Variants in ANGPT1 observed in about 807,000 individuals in gnomAD.
ANGPT1 encodes angiopoietin 1.
Under a neutral mutation model 62.2 loss-of-function variants are expected in ANGPT1, and 17 were observed. The observed-to-expected ratio is 0.27, with a 90% CI of 0.19 to 0.41. The LOEUF (loss-of-function observed/expected upper bound fraction) is 0.41. Ranked by LOEUF, ANGPT1 falls within the 10% of genes least tolerant of loss-of-function variation. The pLI is 1.00. For synonymous variants in ANGPT1, 199 were observed against 198.9 expected (o/e 1.00, Z 0.00); for missense variants, 478 against 594.9 (o/e 0.80, Z 2.04).
At chr8:107,298,149 C>T (rs1188189938) in intron 5 of ANGPT1, among the ~76,000 whole-genome samples, 2 of 151,834 alleles carry the variant, frequency 1.3e-5, no homozygotes, top group African/African-American at 4.8e-5. Flanking sequence ...TAACATAATA[C>T]GGAGGCTTAA....
intron 1 of ANGPT1, among the ~76,000 whole-genome samples, chr8:107,445,755 T>C (rs1044971579): frequency 1.3e-5 from 2 of 152,078 alleles, no homozygotes; most frequent in Non-Finnish European, 2.9e-5. Context: ...AATCACACAA[T>C]GGGATGTATG....
chr8:107,324,893 AG>A (rs994848717), intron 3 of ANGPT1, among the ~76,000 whole-genome samples: 9 of 152,188 alleles, frequency 5.9e-5, no homozygotes, highest in African/African-American at 1.9e-4. Context: ...GAGAGAAAGG[AG>A]CCCTGCCCTG....
chr8:107,417,123 G>C (rs1419880654), intron 1 of ANGPT1, among the ~76,000 whole-genome samples: 2 of 152,098 alleles, frequency 1.3e-5, no homozygotes, highest in African/African-American at 2.4e-5. Context: ...AGACAGAGAA[G>C]ATTAGAGTAT....
intron 7 of ANGPT1, among the ~76,000 whole-genome samples, chr8:107,270,459 G>C (rs1224461597): frequency 6.6e-6 from 1 of 152,004 alleles, no homozygotes; most frequent in Non-Finnish European, 1.5e-5. Context: ...CTCTTTCAGA[G>C]GCTGGTAGCA....
intron 1 of ANGPT1, among the ~76,000 whole-genome samples, chr8:107,375,782 A>G (rs1816519232): frequency 6.6e-6 from 1 of 152,196 alleles, no homozygotes; most frequent in African/African-American, 2.4e-5. Flanking sequence ...CCACATGGAA[A>G]TAGGAAGCAT....
chr8:107,374,464 A>T (rs1816485497), intron 1 of ANGPT1, among the ~76,000 whole-genome samples: 1 of 152,240 alleles, frequency 6.6e-6, no homozygotes, highest in Non-Finnish European at 1.5e-5. Context: ...AGAGTCTTGC[A>T]GATTCTGTCC....
At chr8:107,433,387 A>G (rs1482728044) in intron 1 of ANGPT1, among the ~76,000 whole-genome samples, 1 of 152,208 alleles carries the variant, frequency 6.6e-6, no homozygotes, top group Non-Finnish European at 1.5e-5. Context: ...TGCCTTATGA[A>G]ATAGTTCTGT....
intron 8 of ANGPT1, among the ~76,000 whole-genome samples, chr8:107,259,603 T>A (rs1477973590): frequency 3.9e-5 from 6 of 152,158 alleles, no homozygotes; most frequent in South Asian, 2.1e-4. Flanking sequence ...GCCTTTATAT[T>A]ATGTACTAAA....
At chr8:107,453,348 T>G (rs914304303) in intron 1 of ANGPT1, among the ~76,000 whole-genome samples, 9 of 152,148 alleles carry the variant, frequency 5.9e-5, no homozygotes, top group Non-Finnish European at 1.2e-4. Context: ...GACTGGACAA[T>G]TTACAAAAGA....
At chr8:107,483,168 T>G (rs1260252922) in intron 1 of ANGPT1, among the ~76,000 whole-genome samples, 2 of 152,220 alleles carry the variant, frequency 1.3e-5, no homozygotes, top group African/African-American at 2.4e-5. Flanking sequence ...ATAATTTATG[T>G]TCAGGGTAAT....
Position 107,397,479 on chromosome 8 carries a change from T to C in ANGPT1, c.298-50382A>G, listed in dbSNP as rs1469715. ...TGTGTGTGTTTAATTTCCATCCTTA[T>C]ATAAGTCACAAGTCTGTGATAACTC... is the stretch of plus-strand genomic sequence containing the variant. On this transcript the variant is annotated intron_variant, in intron 1 of 8. Coordinates refer to ENST00000517746, the MANE Select transcript of ANGPT1 (RefSeq NM_001146.5). 8.4e-3 allele frequency among the ~76,000 whole-genome samples: 1,278 copies of C among 152,176 alleles called. 14 individuals carry two copies. The highest frequency in any genetic ancestry group is 0.025 in the African/African-American group (1,032 of 41,532).
At chr8:107,495,745 A>T (rs1357282454) in intron 1 of ANGPT1, among the ~76,000 whole-genome samples, 3 of 152,198 alleles carry the variant, frequency 2.0e-5, no homozygotes, top group African/African-American at 7.2e-5. Flanking sequence ...CAATGGAAAT[A>T]AATTTTACCA....
At chr8:107,350,197 TTGAG>T (rs972357322) in intron 1 of ANGPT1, among the ~76,000 whole-genome samples, 1 of 152,210 alleles carries the variant, frequency 6.6e-6, no homozygotes, top group African/African-American at 2.4e-5. Flanking sequence ...AGCAATGTCA[TTGAG>T]TAATACTCAT....
intron 3 of ANGPT1, among the ~76,000 whole-genome samples, chr8:107,322,420 C>T (rs572491653): frequency 5.3e-5 from 8 of 152,184 alleles, no homozygotes; most frequent in African/African-American, 1.7e-4. Flanking sequence ...AGCTAACTTA[C>T]ACCCAAATAG....
chr8:107,475,606 G>A (rs1027710302), intron 1 of ANGPT1, among the ~76,000 whole-genome samples: 5 of 152,132 alleles, frequency 3.3e-5, no homozygotes, highest in Non-Finnish European at 7.3e-5. Context: ...TAAACAAACA[G>A]CTTCTGCACA....
At chr8:107,431,789 A>G (rs1290774485) in intron 1 of ANGPT1, among the ~76,000 whole-genome samples, 3 of 152,166 alleles carry the variant, frequency 2.0e-5, no homozygotes, top group Non-Finnish European at 4.4e-5. Flanking sequence ...ACAGTTCAAG[A>G]AATTCAAAGA....
At chr8:107,293,629 C>T (rs1348865690) in intron 6 of ANGPT1, among the ~76,000 whole-genome samples, 2 of 152,144 alleles carry the variant, frequency 1.3e-5, no homozygotes, top group African/African-American at 2.4e-5. Context: ...TGGTCAGGCT[C>T]ACGTATCCAA....
intron 7 of ANGPT1, among the ~76,000 whole-genome samples, chr8:107,280,205 T>C (rs748521866): frequency 6.6e-6 from 1 of 151,372 alleles, no homozygotes; most frequent in Non-Finnish European, 1.5e-5. Context: ...TTTCTTTTTT[T>C]ATTTTTTTTT....
chr8:107,494,400 G>T (rs1813041332), intron 1 of ANGPT1, among the ~76,000 whole-genome samples: 1 of 152,050 alleles, frequency 6.6e-6, no homozygotes, highest in Non-Finnish European at 1.5e-5. Context: ...TCACTCTCAG[G>T]TATTTACTAT....
Sources: gnomAD v4.1 joint callset for allele counts (sites outside exome capture counted in the v4.1 genomes callset) on GRCh38, gnomAD v4.1.1 for gene constraint, MANE v1.5 for transcripts, NCBI Gene and HGNC (gene_info 2026-07-23, HGNC 2026-07-21) for gene names.